Variants in SORCS1 observed in about 807,000 individuals in gnomAD.
SORCS1 encodes the protein VPS10 domain-containing receptor SorCS1.
A neutral mutation model predicts 146.1 loss-of-function variants in SORCS1; 60 were observed. The ratio of observed to expected loss-of-function variants is 0.41; its 90% CI spans 0.33 to 0.51. The LOEUF (loss-of-function observed/expected upper bound fraction) is 0.51. Ranked by LOEUF, SORCS1 falls within the 20% of genes least tolerant of loss-of-function variation. SORCS1 has a pLI of 0.21. For missense variants in SORCS1, 1,352 were observed against 1,487.6 expected, an observed-to-expected ratio of 0.91 and a Z score of 1.50; for synonymous variants, 637 against 584.0, an observed-to-expected ratio of 1.09 and a Z score of -1.31.
Position 106,943,797 on chromosome 10 carries a change from G to A in SORCS1, c.626+12716C>T, listed in dbSNP as rs1054650747. On this transcript the variant is annotated intron_variant, in intron 2 of 25. Transcript: ENST00000263054. ...TGGACTCCAGCCTAGGCAACAGAGTGAGACTCCATCTCAAAAAATTAATTA... is the reference window on the plus strand; with the variant it reads ...TGGACTCCAGCCTAGGCAACAGAGTAAGACTCCATCTCAAAAAATTAATTA... 2.0e-5 allele frequency among the ~76,000 whole-genome samples: 3 copies of A among 152,048 alleles called. No homozygotes were observed. In the South Asian group the frequency reaches 6.2e-4, roughly 32 times the overall value.
At chr10:107,114,253 G>A (rs1965881149) in intron 1 of SORCS1, among the ~76,000 whole-genome samples, 1 of 152,008 alleles carries the variant, frequency 6.6e-6, no homozygotes, top group African/African-American at 2.4e-5. Flanking sequence ...AAGAGGAGAG[G>A]ACATCTCCAA....
chr10:106,901,997 T>C (rs1951725884), intron 2 of SORCS1, among the ~76,000 whole-genome samples: 1 of 151,666 alleles, frequency 6.6e-6, no homozygotes, highest in East Asian at 1.9e-4. Flanking sequence ...TAAGCAGAGA[T>C]TGCGCCACTG....
chr10:106,898,366 A>T (rs905827856), intron 2 of SORCS1, among the ~76,000 whole-genome samples: 1 of 152,074 alleles, frequency 6.6e-6, no homozygotes, highest in African/African-American at 2.4e-5. Flanking sequence ...GACAGCCAAC[A>T]TCGGCAGGAC....
At chr10:106,667,058 C>A (rs1410267547) in intron 17 of SORCS1, 1 of 152,140 alleles carries the variant, frequency 6.6e-6, no homozygotes, top group Non-Finnish European at 1.5e-5. Context: ...TTTATAGATA[C>A]CTACTACATT....
At chr10:107,134,246 T>G (rs1462764228) in intron 1 of SORCS1, among the ~76,000 whole-genome samples, 1 of 152,222 alleles carries the variant, frequency 6.6e-6, no homozygotes, top group African/African-American at 2.4e-5. Context: ...ACTATCATTT[T>G]ACTGCAAATA....
chr10:106,915,952 A>G (rs1205633417), intron 2 of SORCS1, among the ~76,000 whole-genome samples: 1 of 151,568 alleles, frequency 6.6e-6, no homozygotes, highest in Non-Finnish European at 1.5e-5. Flanking sequence ...AAGGTGCAGG[A>G]AAAGATTGCT....
At chr10:107,061,184 T>G (rs1183527353) in intron 1 of SORCS1, among the ~76,000 whole-genome samples, 5 of 152,146 alleles carry the variant, frequency 3.3e-5, no homozygotes, top group Non-Finnish European at 7.4e-5. Context: ...TCTTATCATC[T>G]GTATCAGGGA....
chr10:106,653,293 C>T (rs1850021002), intron 17 of SORCS1, among the ~76,000 whole-genome samples: 1 of 152,136 alleles, frequency 6.6e-6, no homozygotes, highest in South Asian at 2.1e-4. Context: ...TTTTGAGGTT[C>T]AGCGTTATCT....
intron 3 of SORCS1, among the ~76,000 whole-genome samples, chr10:106,793,754 C>G (rs1474543909): frequency 6.6e-6 from 1 of 152,164 alleles, no homozygotes; most frequent in Admixed American, 6.5e-5. Context: ...CTATTTCCAG[C>G]CAAATGTATA....
chr10:106,699,237 T>C lies in SORCS1; in HGVS notation c.1390A>G (p.Asn464Asp). ...NVQSSRGPEG[N>D]IMIDLYEVAG... ...ACCTCATAGAGGTCGATCATGATGTTGCCCTCAGGGCCTCTGCTGCTCTGG... is the reference window on the plus strand; with the variant it reads ...ACCTCATAGAGGTCGATCATGATGTCGCCCTCAGGGCCTCTGCTGCTCTGG... The change falls in exon 9 of 26, where the codon AAC becomes GAC. Residue 464 changes from asparagine to aspartate, a missense_variant. Physicochemically the swap from Asn to Asp is conservative, Grantham distance 23. Transcript: ENST00000263054. The C allele has an allele frequency of 6.2e-7, 1 of 1,613,372 alleles. No homozygotes were observed. Among genetic ancestry groups the C allele is most frequent in the Non-Finnish European group, 8.5e-7 (1 of 1,179,576 alleles).
chr10:107,050,170 T>C (rs1959974166), intron 1 of SORCS1, among the ~76,000 whole-genome samples: 1 of 152,234 alleles, frequency 6.6e-6, no homozygotes, highest in South Asian at 2.1e-4. Context: ...TTGTTAGTTG[T>C]ATTCCTGAAT....
At chr10:107,179,144 A>G in the SORCS1 span, among the ~76,000 whole-genome samples, 2 of 152,150 alleles carry the variant, frequency 1.3e-5, no homozygotes, top group Non-Finnish European at 2.9e-5. Flanking sequence ...TGTCTTTTTG[A>G]TAATAGCCAT....
At chr10:107,123,464 A>G (rs1966519390) in intron 1 of SORCS1, among the ~76,000 whole-genome samples, 1 of 152,338 alleles carries the variant, frequency 6.6e-6, no homozygotes, top group East Asian at 1.9e-4. Context: ...CTTTGAAAGC[A>G]GGGAATATGT....
intron 24 of SORCS1, among the ~76,000 whole-genome samples, chr10:106,581,597 A>AAC (rs1018783686): frequency 2.6e-5 from 4 of 151,028 alleles, no homozygotes; most frequent in Admixed American, 6.6e-5. Context: ...TGTGCATGCA[A>AAC]ACACACACAC....
At chr10:107,026,816 T>C (rs551788452) in intron 1 of SORCS1, among the ~76,000 whole-genome samples, 78 of 151,954 alleles carry the variant, frequency 5.1e-4, no homozygotes, top group African/African-American at 1.9e-3. Flanking sequence ...TGAGTCAACT[T>C]GTACATCTCT....
At chr10:106,884,437 T>A (rs1426962007) in intron 2 of SORCS1, among the ~76,000 whole-genome samples, 1 of 152,186 alleles carries the variant, frequency 6.6e-6, no homozygotes, top group Non-Finnish European at 1.5e-5. Context: ...TTCTATTTTT[T>A]TTTTCTTTTA....
chr10:106,800,669 A>G (rs987685581), intron 3 of SORCS1, among the ~76,000 whole-genome samples: 2 of 151,350 alleles, frequency 1.3e-5, no homozygotes, highest in Non-Finnish European at 2.9e-5. Context: ...CTACAGGCGC[A>G]CACCGCCACA....
At chr10:107,152,442 A>G (rs1968889395) in intron 1 of SORCS1, among the ~76,000 whole-genome samples, 1 of 152,192 alleles carries the variant, frequency 6.6e-6, no homozygotes. Flanking sequence ...AACTTGTTCC[A>G]TGCATTTGGA....
chr10:106,840,277 T>C (rs992340088), intron 2 of SORCS1, among the ~76,000 whole-genome samples: 3 of 152,164 alleles, frequency 2.0e-5, no homozygotes, highest in African/African-American at 4.8e-5. Context: ...CCAACATTCA[T>C]AGGAAGTTGG....
Sources: gnomAD v4.1 joint callset for allele counts (sites outside exome capture counted in the v4.1 genomes callset) on GRCh38, gnomAD v4.1.1 for gene constraint, MANE v1.5 for transcripts, NCBI Gene and HGNC (gene_info 2026-07-23, HGNC 2026-07-21) for gene names.